NADSYN1: variants seen among roughly 807,000 people sequenced by gnomAD.
The protein encoded by NADSYN1 is glutamine-dependent NAD(+) synthetase.
NADSYN1 carries 80 observed loss-of-function variants against 99.3 expected under a neutral mutation model. That is an observed-to-expected ratio of 0.81 (90% confidence interval 0.67 to 0.97). The LOEUF is 0.97. Ranked by LOEUF, NADSYN1 falls within the 50% of genes least tolerant of loss-of-function variation. The pLI is 0.00. For missense variants in NADSYN1, 859 were observed against 948.5 expected, an observed-to-expected ratio of 0.91 and a Z score of 1.24; for synonymous variants, 385 against 372.1, an observed-to-expected ratio of 1.03 and a Z score of -0.40.
Position 71,471,543 on chromosome 11 carries a change from T to A in NADSYN1, c.408-906T>A, listed in dbSNP as rs1790340. 4.2e-3 allele frequency among the ~76,000 whole-genome samples: 632 copies of A among 152,086 alleles called. 3 individuals carry two copies. Among genetic ancestry groups the A allele is most frequent in the East Asian group, 0.03 (154 of 5,160 alleles). On this transcript the variant is annotated intron_variant, in intron 5 of 20. Coordinates refer to ENST00000319023, the MANE Select transcript of NADSYN1 (RefSeq NM_018161.5). ...TGGGTCTTTGTTCCGGTGTCCAGGG[T>A]GTCTTTGCATGAGTCGAGGGAAAGG... is the stretch of plus-strand genomic sequence containing the variant.
At chr11:71,498,132 G>A (rs1422101907) in intron 19 of NADSYN1, among the ~76,000 whole-genome samples, 1 of 152,114 alleles carries the variant, frequency 6.6e-6, no homozygotes, top group South Asian at 2.1e-4. Flanking sequence ...AGAGGTGGGG[G>A]ACCCCGGTTT....
At chr11:71,459,729 TG>T (rs1009261149) in intron 3 of NADSYN1, 34 of 152,554 alleles carry the variant, frequency 2.2e-4, no homozygotes, top group African/African-American at 8.2e-4. Context: ...CCTTGGCATC[TG>T]CCTGGCACAT....
intron 6 of NADSYN1, 125 bp downstream of exon 6, chr11:71,472,625 C>A: frequency 2.3e-6 from 2 of 866,424 alleles, no homozygotes; most frequent in South Asian, 1.4e-5. Context: ...GCTCACAGGT[C>A]TGAAACAGAC....
In NADSYN1 at chr11:71,501,212, C is replaced by T; in HGVS notation, c.2071-90C>T. 13 of 1,256,586 alleles carry T rather than the reference C, an allele frequency of 1.0e-5. No homozygotes were observed. The South Asian group carries it at 2.0e-4, about 20-fold the overall frequency. 77.8% of individuals were successfully genotyped at this position (1,256,586 alleles called of 1,614,324 possible). ...GTAATTTACTTTTTCACCTCTGGGA[C>T]TTGTGACCCGCTTTTGGTGCGTGCC... On this transcript the variant is annotated intron_variant, in intron 20 of 20. Coordinates refer to ENST00000319023, the MANE Select transcript of NADSYN1 (RefSeq NM_018161.5).
intron 3 of NADSYN1, chr11:71,460,802 TTCTTCAAACGGTCCTCAAGG>T (rs1177008994): frequency 1.3e-5 from 2 of 152,250 alleles, no homozygotes; most frequent in Non-Finnish European, 2.9e-5. Flanking sequence ...CCTGCATCGT[TTCTTCAAACGGTCCTCAAGG>T]AAGAGGGTGC....
At chr11:71,482,392 A>C (rs140558143) in intron 13 of NADSYN1, among the ~76,000 whole-genome samples, 1 of 152,320 alleles carries the variant, frequency 6.6e-6, no homozygotes, top group Non-Finnish European at 1.5e-5. Context: ...ATGATGCCCG[A>C]TGGATGGGGC....
intron 9 of NADSYN1, chr11:71,476,169 C>A: frequency 2.2e-6 from 1 of 453,748 alleles, no homozygotes; most frequent in Non-Finnish European, 4.4e-6. Flanking sequence ...TCAGACCACA[C>A]GCGGGTCCAC....
intron 10 of NADSYN1, 104 bp from the exon 11 acceptor site, chr11:71,480,651 A>T (rs536355543): frequency 1.9e-6 from 3 of 1,562,482 alleles, no homozygotes; most frequent in African/African-American, 2.7e-5. Context: ...TGGTTTTGAC[A>T]TGCGTTTCTG....
intron 16 of NADSYN1, among the ~76,000 whole-genome samples, chr11:71,487,360 A>G (rs1949749356): frequency 6.6e-6 from 1 of 152,162 alleles, no homozygotes; most frequent in South Asian, 2.1e-4. Context: ...TTGGCTCTGC[A>G]TTGCTTTTGT....
chr11:71,489,502 C>T (rs1191495727), intron 16 of NADSYN1, among the ~76,000 whole-genome samples: 1 of 152,140 alleles, frequency 6.6e-6, no homozygotes, highest in Non-Finnish European at 1.5e-5. Context: ...TCTGAGTCAG[C>T]CCCGGCGGAT....
At chr11:71,501,062 C>A (rs1270860386) in intron 20 of NADSYN1, among the ~76,000 whole-genome samples, 3 of 152,176 alleles carry the variant, frequency 2.0e-5, no homozygotes, top group Non-Finnish European at 2.9e-5. Flanking sequence ...CATGTGGGAG[C>A]ATCAGAGACA....
Position 71,453,365 on chromosome 11 carries a change from G to C in NADSYN1, c.69G>C (p.Leu23Phe). The change falls in exon 1 of 21, where the codon TTG (leucine) becomes TTC (phenylalanine). Residue 23 changes from leucine to phenylalanine, a missense_variant. Transcript: ENST00000319023. Reference protein sequence around the residue: ...NQWALDFEGNLQRILKSIEIA... With the variant: ...NQWALDFEGNFQRILKSIEIA... ...GGGCCCTGGACTTCGAGGGCAATTT[G>C]CAAAGAATTTTAAAGAGTGAGTCTG... is the stretch of plus-strand genomic sequence containing the variant. The C allele has an allele frequency of 6.2e-7, 1 of 1,613,858 alleles. No homozygotes were observed. The highest frequency in any genetic ancestry group is 8.5e-7 in the Non-Finnish European group (1 of 1,179,810).
chr11:71,491,121 G>GGTTGCAGGCCT, intron 17 of NADSYN1, 145 bp downstream of exon 17: 1 of 1,129,666 alleles, frequency 8.9e-7, no homozygotes, highest in Non-Finnish European at 1.2e-6. Flanking sequence ...CTTGAGGCCT[G>GGTTGCAGGCCT]CAACCAAGCC....
chr11:71,473,528 G>C (rs1457098330), intron 7 of NADSYN1, 41 bp from the exon 8 acceptor site: 1 of 1,573,324 alleles, frequency 6.4e-7, no homozygotes, highest in South Asian at 1.1e-5. Context: ...TGGTTTGGAG[G>C]AGTCTGGTGG....
chr11:71,476,414 C>G (rs1167568554), intron 9 of NADSYN1: 4 of 311,936 alleles, frequency 1.3e-5, no homozygotes, highest in Non-Finnish European at 2.5e-5. Context: ...CGTTCCCATC[C>G]TCATGATTCT....
At chr11:71,474,691 G>T (rs1949653029) in intron 9 of NADSYN1, 165 bp downstream of exon 9, 1 of 854,924 alleles carries the variant, frequency 1.2e-6, no homozygotes, top group Admixed American at 2.2e-5. Context: ...CTTAGTGAGG[G>T]CCCCTGTGGA....
chr11:71,476,992 C>T (rs568056964), intron 9 of NADSYN1: 351 of 1,042,498 alleles, frequency 3.4e-4, no homozygotes, highest in East Asian at 9.6e-4. Flanking sequence ...TCAGAGTGGC[C>T]GCGCTGTCCT....
At chr11:71,474,232 T>C (rs1268007850) in intron 8 of NADSYN1, among the ~76,000 whole-genome samples, 163 bp from the exon 9 acceptor site, 4 of 152,170 alleles carry the variant, frequency 2.6e-5, no homozygotes. Context: ...TCGCCGCAGC[T>C]TCACAGGTCT....
rs761124908 is a variant in NADSYN1, at chr11:71,473,652, C to G, written c.632C>G (p.Thr211Ser). The change falls in exon 8 of 21, where the codon ACC (threonine) becomes AGC (serine). Residue 211 changes from threonine to serine, a missense_variant. Coordinates refer to ENST00000319023, the MANE Select transcript of NADSYN1 (RefSeq NM_018161.5). ...GSHQVLRKANTRVDLVTMVTS... is the reference protein window; with the variant it reads ...GSHQVLRKANSRVDLVTMVTS... Reference sequence around the variant, plus strand: ...CACCAAGTGCTGCGCAAAGCCAACACCAGGGTGGATCTCGTGACTATGGTC... The same window carrying G: ...CACCAAGTGCTGCGCAAAGCCAACAGCAGGGTGGATCTCGTGACTATGGTC... 6.2e-7 allele frequency: 1 copy of G among 1,613,066 alleles called. No individual in the cohort carries two copies. Among genetic ancestry groups the G allele is most frequent in the East Asian group, 2.2e-5 (1 of 44,884 alleles).
Sources: gnomAD v4.1 joint callset for allele counts (sites outside exome capture counted in the v4.1 genomes callset) on GRCh38, gnomAD v4.1.1 for gene constraint, MANE v1.5 for transcripts, NCBI Gene and HGNC (gene_info 2026-07-23, HGNC 2026-07-21) for gene names.